Variants in GRAMD1B observed in about 807,000 individuals in gnomAD.
GRAMD1B encodes protein Aster-B.
GRAMD1B carries 37 observed loss-of-function variants against 99.7 expected under a neutral mutation model. That is an observed-to-expected ratio of 0.37 (90% confidence interval 0.29 to 0.49). The LOEUF (loss-of-function observed/expected upper bound fraction) is 0.49, where lower values mean the gene tolerates loss of function less well. Among genes scored for constraint, GRAMD1B ranks in the 20% least tolerant of loss-of-function variants. The probability of loss-of-function intolerance (pLI) is 0.98; values close to 1 mark genes in which losing one functional copy is unlikely to be tolerated. For synonymous variants in GRAMD1B, 427 were observed against 387.6 expected (o/e 1.10, Z -1.19); for missense variants, 888 against 1,009.2 (o/e 0.88, Z 1.63).
intron 2 of GRAMD1B, among the ~76,000 whole-genome samples, chr11:123,560,996 C>T (rs1315106764): frequency 1.3e-5 from 2 of 152,074 alleles, no homozygotes; most frequent in African/African-American, 4.8e-5. Context: ...CCTTCTTTTC[C>T]CTCCCTAGCC....
chr11:123,371,159 C>T (rs1365985285), intron 1 of GRAMD1B, among the ~76,000 whole-genome samples: 1 of 151,582 alleles, frequency 6.6e-6, no homozygotes, highest in African/African-American at 2.4e-5. Context: ...TTTAAACTGA[C>T]GCTGGTCTTA....
intron 1 of GRAMD1B, among the ~76,000 whole-genome samples, chr11:123,431,541 A>G (rs1948890553): frequency 6.6e-6 from 1 of 152,204 alleles, no homozygotes; most frequent in African/African-American, 2.4e-5. Context: ...TTTCATCCCT[A>G]CGCAAACTCT....
rs1383706222 is a variant in GRAMD1B, at chr11:123,609,800, A to G, written c.1663A>G (p.Ile555Val). The G allele has an allele frequency of 7.7e-6, 12 of 1,553,518 alleles. No individual in the cohort carries two copies. Among genetic ancestry groups the G allele is most frequent in the Non-Finnish European group, 1.1e-5 (12 of 1,133,136 alleles). Residue 555 changes from isoleucine to valine, a missense_variant, in exon 13 of 20, where the codon ATC becomes GTC. Ile to Val is a conservative substitution (Grantham distance 29). Around this residue, in one of 5 missense-constraint regions of GRAMD1B, gnomAD observed 269 missense variants for 296.6 expected, o/e 0.91. Transcript: ENST00000635736. The part of the protein sequence containing the change: ...FMEQRRFSDI[I>V]FHPWKKEENG... ...GGGCTCTCCTCTACCCTTAGATATC[A>G]TCTTCCATCCATGGAAAAAGGAGGA...
At chr11:123,443,764 G>A (rs999545487) in intron 1 of GRAMD1B, among the ~76,000 whole-genome samples, 2 of 152,110 alleles carry the variant, frequency 1.3e-5, no homozygotes, top group African/African-American at 4.8e-5. Flanking sequence ...TGTATTTTTA[G>A]TAGAGATCGG....
rs150674525 is a variant in GRAMD1B at position 123,464,491 on chromosome 11, C to T, written c.375-16325C>T. Among the ~76,000 whole-genome samples the T allele has an allele frequency of 5.9e-5, 9 of 152,140 alleles. No individual in the cohort carries two copies. In the East Asian group the frequency reaches 1.5e-3, roughly 26 times the overall value. On this transcript the variant is annotated intron_variant, in intron 1 of 19. Transcript: ENST00000635736. ...AAATTGGCAAATAATATAAATCAGCCCCCTCCACCAATCTAGTTGTTAAAC... is the reference window on the plus strand; with the variant it reads ...AAATTGGCAAATAATATAAATCAGCTCCCTCCACCAATCTAGTTGTTAAAC...
intron 1 of GRAMD1B, among the ~76,000 whole-genome samples, chr11:123,370,337 C>CT (rs1163332610): frequency 0.044 from 4,495 of 102,802 alleles, 325 homozygotes; most frequent in African/African-American, 0.14. Context: ...GAAGTTATCT[C>CT]TTTTTTTTTT....
At chr11:123,563,866 G>T (rs1002351999) in intron 2 of GRAMD1B, among the ~76,000 whole-genome samples, 5 of 152,194 alleles carry the variant, frequency 3.3e-5, no homozygotes, top group Non-Finnish European at 2.9e-5. Context: ...TTAGACTAAA[G>T]CCTCTCTTGG....
At chr11:123,528,899 G>T (rs747931889) in intron 2 of GRAMD1B, among the ~76,000 whole-genome samples, 1 of 152,168 alleles carries the variant, frequency 6.6e-6, no homozygotes, top group Non-Finnish European at 1.5e-5. Flanking sequence ...GGGAAGCCAG[G>T]ATACACTCTT....
At chr11:123,478,524 G>C (rs965393362) in intron 1 of GRAMD1B, among the ~76,000 whole-genome samples, 1 of 152,238 alleles carries the variant, frequency 6.6e-6, no homozygotes, top group East Asian at 1.9e-4. Context: ...GCAGTTCCTG[G>C]TTCCGGTTCC....
intron 1 of GRAMD1B, among the ~76,000 whole-genome samples, chr11:123,443,653 G>A (rs1477018444): frequency 2.6e-5 from 4 of 151,964 alleles, no homozygotes; most frequent in Non-Finnish European, 5.9e-5. Context: ...CAACCTCTGG[G>A]ATTCAAGAGG....
chr11:123,513,574 TTCCTTTCCTTCC>T lies in GRAMD1B; in HGVS notation c.452+32683_452+32694del, dbSNP rs1474523880. Among the ~76,000 whole-genome samples, 370 of 94,852 alleles carry T rather than the reference TTCCTTTCCTTCC, an allele frequency of 3.9e-3. 1 individual carries two copies. The highest frequency in any genetic ancestry group is 0.011 in the East Asian group (36 of 3,210). 62.2% of individuals were successfully genotyped at this position (94,852 alleles called of 152,430 possible). A position where few individuals can be genotyped will look rare whatever the true frequency, so the allele number is the denominator to read the frequency against. Reference sequence around the variant, plus strand: ...TTTCTTTCCTTCCTTCCTTCCTTCCTTCCTTTCCTTCCTTCCTTCCTTCCTTCCTTCCTTCCT... The same window carrying T: ...TTTCTTTCCTTCCTTCCTTCCTTCCTTTCCTTCCTTCCTTCCTTCCTTCCT... On this transcript the variant is annotated intron_variant, in intron 2 of 19. Coordinates refer to ENST00000635736, the MANE Select transcript of GRAMD1B (RefSeq NM_001387025.1).
chr11:123,383,043 G>T, intron 1 of GRAMD1B, among the ~76,000 whole-genome samples: 1 of 152,276 alleles, frequency 6.6e-6, no homozygotes, highest in South Asian at 2.1e-4. Context: ...GGGCTGTGGG[G>T]CTGTGTAGCA....
intron 19 of GRAMD1B, among the ~76,000 whole-genome samples, chr11:123,619,741 A>T (rs1053348857): frequency 6.6e-6 from 1 of 152,116 alleles, no homozygotes; most frequent in African/African-American, 2.4e-5. Flanking sequence ...GCAAAACTAG[A>T]TCAACTATTT....
rs1237964419 is a variant in GRAMD1B, at chr11:123,610,526, C to T, written c.1919+188C>T. 2.0e-5 allele frequency among the ~76,000 whole-genome samples: 3 copies of T among 152,220 alleles called. No homozygotes were observed. Among genetic ancestry groups the T allele is most frequent in the African/African-American group, 4.8e-5 (2 of 41,456 alleles). ...TTGAGTTAATTATTCTCTCCACTCT[C>T]TACATCTTGTTAGTAAAACTTGTAT... On this transcript the variant is annotated intron_variant, in intron 14 of 19. Coordinates refer to ENST00000635736, the MANE Select transcript of GRAMD1B (RefSeq NM_001387025.1). The surrounding 1 kb of genome is among the most constrained non-coding windows in gnomAD (Gnocchi z 4.1).
chr11:123,590,070 G>A (rs545239058), intron 4 of GRAMD1B, among the ~76,000 whole-genome samples: 1 of 152,150 alleles, frequency 6.6e-6, no homozygotes, highest in Non-Finnish European at 1.5e-5. Flanking sequence ...CCTGGATTTT[G>A]CTGCTTTGAG....
chr11:123,594,622 G>C, intron 5 of GRAMD1B, 113 bp from the exon 6 acceptor site: 1 of 672,994 alleles, frequency 1.5e-6, no homozygotes, highest in South Asian at 1.7e-5. Flanking sequence ...CCTTGTCCGT[G>C]GTGGGCATTG....
chr11:123,446,487 G>A (rs1949651326), intron 1 of GRAMD1B, among the ~76,000 whole-genome samples: 1 of 152,192 alleles, frequency 6.6e-6, no homozygotes, highest in African/African-American at 2.4e-5. Context: ...TCTTGGAGGA[G>A]TTTTCAGCCA....
intron 1 of GRAMD1B, among the ~76,000 whole-genome samples, chr11:123,398,810 A>T (rs1947557184): frequency 6.6e-6 from 1 of 152,210 alleles, no homozygotes; most frequent in Non-Finnish European, 1.5e-5. Flanking sequence ...TAATGTATAC[A>T]ACTCAATGAG....
chr11:123,590,524 G>A (rs1355980366), intron 4 of GRAMD1B, among the ~76,000 whole-genome samples: 6 of 152,184 alleles, frequency 3.9e-5, no homozygotes, highest in African/African-American at 9.7e-5. Flanking sequence ...CATTGGCCGG[G>A]ACCATCACCC....
Sources: gnomAD v4.1 joint callset for allele counts (sites outside exome capture counted in the v4.1 genomes callset) on GRCh38, gnomAD v4.1.1 for gene constraint, gnomAD v4.1.1 regional missense constraint, Gnocchi (gnomAD v3.1) non-coding constraint, MANE v1.5 for transcripts, NCBI Gene and HGNC (gene_info 2026-07-23, HGNC 2026-07-21) for gene names.